Variants in TJP1 observed in about 807,000 individuals in gnomAD.
The protein encoded by TJP1 is tight junction protein ZO-1.
A neutral mutation model predicts 194.2 loss-of-function variants in TJP1; 43 were observed. That is an observed-to-expected ratio of 0.22 (90% CI 0.17 to 0.29). The LOEUF is 0.29. TJP1 is among the 10% of genes least tolerant of loss of function. The pLI is 1.00. For synonymous variants in TJP1, 801 were observed against 779.0 expected, an observed-to-expected ratio of 1.03 and a Z score of -0.47; for missense variants, 1,971 against 2,185.7, an observed-to-expected ratio of 0.90 and a Z score of 1.96.
chr15:29,885,126 C>T (rs1330480589), intron 2 of TJP1, among the ~76,000 whole-genome samples: 2 of 152,336 alleles, frequency 1.3e-5, no homozygotes, highest in East Asian at 1.9e-4. Flanking sequence ...GCCTCAAATA[C>T]TCCTCCTTTT....
In TJP1 at chr15:29,708,940, C is replaced by T. The variant is rs771168379; in HGVS notation, c.4469G>A (p.Arg1490Gln). The change falls in exon 25 of 28, where the codon CGA becomes CAA. Residue 1490 changes from arginine to glutamine, a missense_variant. Physicochemically the swap from Arg to Gln is conservative, Grantham distance 43. Around this residue, in one of 5 missense-constraint regions of TJP1, gnomAD observed 1,108 missense variants for 1,128.5 expected, o/e 0.98. Transcript: ENST00000614355. ...NKPATFRPPN[R>Q]EDTAQAAFYP... is the part of the protein sequence containing the mutation. ...GAAAGCTGCCTGAGCAGTATCTTCT[C>T]GGTTTGGTGGTCTGAAAGTTGCTGG... 6 of 1,613,934 alleles carry T rather than the reference C, an allele frequency of 3.7e-6. No individual in the cohort carries two copies. Among genetic ancestry groups the T allele is most frequent in the South Asian group, 2.2e-5 (2 of 91,064 alleles).
intron 2 of TJP1, among the ~76,000 whole-genome samples, chr15:29,951,137 T>C (rs545535039): frequency 6.6e-6 from 1 of 152,298 alleles, no homozygotes; most frequent in South Asian, 2.1e-4. Context: ...GTTACAGATA[T>C]TTCCTGTTAG....
chr15:29,860,845 G>A (rs565707926), intron 2 of TJP1, among the ~76,000 whole-genome samples: 1 of 152,244 alleles, frequency 6.6e-6, no homozygotes, highest in African/African-American at 2.4e-5. Context: ...TTTTTCTAAT[G>A]GCCTGTACTC....
chr15:29,851,685 T>C (rs1226900553), intron 2 of TJP1, among the ~76,000 whole-genome samples: 2 of 152,374 alleles, frequency 1.3e-5, no homozygotes, highest in South Asian at 2.1e-4. Flanking sequence ...ATCAGTCTTC[T>C]GGATTTCAGG....
chr15:29,886,674 T>TA (rs1214773893), intron 2 of TJP1, among the ~76,000 whole-genome samples: 8 of 147,698 alleles, frequency 5.4e-5, no homozygotes, highest in Non-Finnish European at 9.0e-5. Flanking sequence ...GAAAGTATAG[T>TA]AAAAAAAGAT....
At chr15:29,766,711 CTG>C (rs1303280027) in intron 4 of TJP1, among the ~76,000 whole-genome samples, 169 bp from the exon 5 acceptor site, 1 of 152,126 alleles carries the variant, frequency 6.6e-6, no homozygotes, top group East Asian at 1.9e-4. Context: ...TCCATAAAGG[CTG>C]TGTTTTCTGT....
At chr15:29,840,609 A>G (rs2051190481) in intron 2 of TJP1, among the ~76,000 whole-genome samples, 1 of 151,876 alleles carries the variant, frequency 6.6e-6, no homozygotes, top group Non-Finnish European at 1.5e-5. Context: ...CATCCTGCCC[A>G]CAACACTGCC....
intron 1 of TJP1, among the ~76,000 whole-genome samples, chr15:29,960,936 T>C (rs539046673): frequency 1.2e-3 from 186 of 152,324 alleles, no homozygotes; most frequent in Admixed American, 3.1e-3. Flanking sequence ...CTGGTGTAAG[T>C]AGAAGTGCTC....
intron 2 of TJP1, among the ~76,000 whole-genome samples, chr15:29,778,703 T>C (rs74400461): frequency 0.057 from 8,637 of 152,260 alleles, 265 homozygotes; most frequent in South Asian, 0.088. Context: ...AGGGAGATCA[T>C]GCAATATCAA....
chr15:29,929,873 T>C (rs1378047514), intron 2 of TJP1, among the ~76,000 whole-genome samples: 1 of 151,390 alleles, frequency 6.6e-6, no homozygotes, highest in African/African-American at 2.4e-5. Flanking sequence ...TACAGGAAAA[T>C]AGAGAAGGCA....
chr15:29,799,417 T>A (rs1035449925), intron 2 of TJP1, among the ~76,000 whole-genome samples: 125 of 136,660 alleles, frequency 9.1e-4, no homozygotes, highest in African/African-American at 2.8e-3. Context: ...GAAAAAAAAA[T>A]TTTTTTTTTT....
chr15:29,730,409 T>C (rs2043547830), intron 15 of TJP1, among the ~76,000 whole-genome samples: 1 of 151,744 alleles, frequency 6.6e-6, no homozygotes, highest in Admixed American at 6.6e-5. Context: ...AGTGAGACCC[T>C]GTTTCTACAA....
chr15:29,705,798 T>C (rs2035326), intron 25 of TJP1, 53 bp from the exon 26 acceptor site: 86,035 of 1,476,524 alleles, frequency 0.058, 2,745 homozygotes, highest in South Asian at 0.084. Context: ...CACAGGTGCT[T>C]TGCTTTTACT....
intron 2 of TJP1, among the ~76,000 whole-genome samples, chr15:29,782,851 AC>A (rs34051564): frequency 0.81 from 115,706 of 143,334 alleles, 46,911 homozygotes; most frequent in East Asian, 0.96. Context: ...AAAAAAAACA[AC>A]CCCCATTAGA....
intron 2 of TJP1, among the ~76,000 whole-genome samples, chr15:29,916,536 C>T (rs574344076): frequency 6.6e-6 from 1 of 151,992 alleles, no homozygotes; most frequent in Admixed American, 6.6e-5. Flanking sequence ...TTACTTCCTA[C>T]AATAGAAAGC....
At chr15:29,877,785 A>G (rs2052764220) in intron 2 of TJP1, among the ~76,000 whole-genome samples, 1 of 151,272 alleles carries the variant, frequency 6.6e-6, no homozygotes, top group African/African-American at 2.4e-5. Flanking sequence ...CAGTCTCCCG[A>G]GTAGCTGGGA....
chr15:29,870,889 C>G (rs1289767530), intron 2 of TJP1, among the ~76,000 whole-genome samples: 3 of 152,194 alleles, frequency 2.0e-5, no homozygotes, highest in Non-Finnish European at 4.4e-5. Flanking sequence ...ATAAAGCTAA[C>G]AAGTTGATTG....
intron 1 of TJP1, among the ~76,000 whole-genome samples, chr15:29,806,555 C>T (rs1478179533): frequency 1.3e-5 from 2 of 152,214 alleles, no homozygotes; most frequent in Non-Finnish European, 2.9e-5. Flanking sequence ...AAAGCTGCTA[C>T]ACTGAACGGC....
rs759835625 is a variant in TJP1 at position 29,718,731 on chromosome 15, A to T, written c.3411T>A (p.Pro1137=). 25 of 1,613,946 alleles carry T rather than the reference A, an allele frequency of 1.5e-5. No individual in the cohort carries two copies. The highest frequency in any genetic ancestry group is 1.9e-5 in the Non-Finnish European group (22 of 1,180,034). ...GYFPRFEEPA[P]LSYDSRPRYE... ...AACGTGGTCTGCTGTCGTAAGACAG[A>T]GGGGCTGGCTCTTCAAAACGTGGAA... The change falls in exon 21 of 28, where the codon CCT becomes CCA. Residue 1137 remains proline, a synonymous_variant. Transcript: ENST00000614355.
Sources: allele counts gnomAD v4.1 joint callset (sites outside exome capture counted in the v4.1 genomes callset), GRCh38; gene constraint gnomAD v4.1.1; regional missense constraint gnomAD v4.1.1; transcripts MANE v1.5; gene names NCBI Gene and HGNC (gene_info 2026-07-23, HGNC 2026-07-21).